Variants in AFAP1L2 observed in about 807,000 individuals in gnomAD.
The protein encoded by AFAP1L2 is actin filament associated protein 1 like 2.
AFAP1L2 carries 46 observed loss-of-function variants against 99.3 expected under a neutral mutation model. The observed-to-expected ratio is 0.46, with a 90% CI of 0.37 to 0.59. The LOEUF is 0.59. AFAP1L2 is among the 20% of genes least tolerant of loss of function. The pLI is 0.00. For synonymous variants in AFAP1L2, 397 were observed against 419.1 expected (o/e 0.95, Z 0.64); for missense variants, 959 against 1,034.9 (o/e 0.93, Z 1.01).
chr10:114,293,474 C>T (rs985799177), downstream of AFAP1L2, among the ~76,000 whole-genome samples: 2 of 152,134 alleles, frequency 1.3e-5, no homozygotes, highest in African/African-American at 4.8e-5. Flanking sequence ...ATGGGTTTCT[C>T]GCCTTTGAAA....
At chr10:114,288,528 AGAGGT>A in the AFAP1L2 span, among the ~76,000 whole-genome samples, 1 of 152,234 alleles carries the variant, frequency 6.6e-6, no homozygotes, top group African/African-American at 2.4e-5. Flanking sequence ...CATACAGTTC[AGAGGT>A]GAGTGGCCCG....
intron 7 of AFAP1L2, among the ~76,000 whole-genome samples, chr10:114,311,563 G>A (rs2043240557): frequency 6.6e-6 from 1 of 152,224 alleles, no homozygotes; most frequent in Non-Finnish European, 1.5e-5. Flanking sequence ...TCTGTAAGCT[G>A]GGTCAATACC....
At chr10:114,395,857 G>A (rs975355089) in intron 1 of AFAP1L2, among the ~76,000 whole-genome samples, 4 of 152,262 alleles carry the variant, frequency 2.6e-5, no homozygotes, top group East Asian at 1.9e-4. Flanking sequence ...CCCCAAACCC[G>A]ACCCTTCTTA....
intron 7 of AFAP1L2, among the ~76,000 whole-genome samples, chr10:114,313,305 C>A (rs2043552665): frequency 1.3e-5 from 2 of 152,132 alleles, no homozygotes; most frequent in Non-Finnish European, 2.9e-5. Context: ...AAGCCCCTCC[C>A]CAAGTGCCTC....
At chr10:114,290,365 C>T (rs766668949), downstream of AFAP1L2, 36 of 1,550,304 alleles carry the variant, frequency 2.3e-5, 1 homozygote, top group South Asian at 2.0e-4. Flanking sequence ...CTGCGAGAAC[C>T]GTGAGTGGAG....
chr10:114,296,069 C>A lies in AFAP1L2; in HGVS notation c.2431-1G>T. On this transcript the variant is annotated splice_acceptor_variant, in intron 18 of 18. Coordinates refer to ENST00000304129, the MANE Select transcript of AFAP1L2 (RefSeq NM_001001936.3). LOFTEE classifies it high-confidence loss of function. Reference sequence around the variant, plus strand: ...AACTTGCTCCTTTCTTCTCCCATTCCTAGGGTACCATTCAAATACCAGCAC... The same window carrying A: ...AACTTGCTCCTTTCTTCTCCCATTCATAGGGTACCATTCAAATACCAGCAC... 6.2e-7 allele frequency: 1 copy of A among 1,614,118 alleles called. No homozygotes were observed. Among genetic ancestry groups the A allele is most frequent in the Non-Finnish European group, 8.5e-7 (1 of 1,179,994 alleles).
chr10:114,369,412 G>C (rs950317443), intron 1 of AFAP1L2, among the ~76,000 whole-genome samples: 1 of 152,054 alleles, frequency 6.6e-6, no homozygotes, highest in Non-Finnish European at 1.5e-5. Flanking sequence ...TGGCTAACAT[G>C]GTGAAACCCC....
chr10:114,323,141 C>T (rs1438018680), intron 5 of AFAP1L2, 30 bp downstream of exon 5: 2 of 1,556,338 alleles, frequency 1.3e-6, no homozygotes, highest in East Asian at 2.4e-5. Context: ...CAGTAAGTCA[C>T]CCTCCCAAGC....
intron 1 of AFAP1L2, among the ~76,000 whole-genome samples, chr10:114,355,872 C>G (rs1040493404): frequency 6.6e-6 from 1 of 152,044 alleles, no homozygotes; most frequent in Non-Finnish European, 1.5e-5. Flanking sequence ...ACCAGGGAGG[C>G]TGAGGTAGGA....
At chr10:114,313,723 G>T in intron 7 of AFAP1L2, 148 bp downstream of exon 7, 2 of 798,496 alleles carry the variant, frequency 2.5e-6, no homozygotes, top group Non-Finnish European at 3.7e-6. Context: ...ATTTGCAGAA[G>T]ACAGATCGTT....
At chr10:114,312,987 A>G (rs1221512299) in intron 7 of AFAP1L2, among the ~76,000 whole-genome samples, 6 of 152,144 alleles carry the variant, frequency 3.9e-5, no homozygotes, top group Non-Finnish European at 8.8e-5. Flanking sequence ...GTCCTGTTTT[A>G]CCACAGCGGT....
chr10:114,282,387 A>G, the AFAP1L2 span: 3 of 740,426 alleles, frequency 4.1e-6, no homozygotes, highest in South Asian at 4.8e-5. Context: ...CAAGAAACAA[A>G]ACCAGGAAGT....
rs1564784746 is a variant in AFAP1L2 at position 114,300,378 on chromosome 10, G to A, written c.1789-16C>T. 2 of 1,614,172 alleles carry A rather than the reference G, an allele frequency of 1.2e-6. No homozygotes were observed. Among genetic ancestry groups the A allele is most frequent in the Non-Finnish European group, 1.7e-6 (2 of 1,180,030 alleles). On this transcript the variant is annotated splice_polypyrimidine_tract_variant and intron_variant, in intron 14 of 18. Transcript: ENST00000304129. The stretch of plus-strand genomic sequence containing the variant: ...TCTCCAGCTGCTTTGGGGGAAAGCA[G>A]ACCTGACTCAGCTGGCTGAAGGGGC...
intron 1 of AFAP1L2, among the ~76,000 whole-genome samples, chr10:114,384,528 G>A (rs1327726336): frequency 6.6e-6 from 1 of 152,216 alleles, no homozygotes; most frequent in Non-Finnish European, 1.5e-5. Context: ...GCTGAACGTT[G>A]CCTGGGGTGA....
chr10:114,323,144 T>C (rs887806814), intron 5 of AFAP1L2, 27 bp downstream of exon 5: 1 of 1,562,714 alleles, frequency 6.4e-7, no homozygotes. Flanking sequence ...TAAGTCACCC[T>C]CCCAAGCCCC....
chr10:114,300,727 C>G, intron 13 of AFAP1L2, 37 bp from the exon 14 acceptor site: 2 of 1,546,990 alleles, frequency 1.3e-6, no homozygotes, highest in Non-Finnish European at 1.7e-6. Context: ...TTCAACATTA[C>G]CTCTACTCCC....
intron 1 of AFAP1L2, among the ~76,000 whole-genome samples, chr10:114,346,763 G>T (rs2049645187): frequency 6.6e-6 from 1 of 152,146 alleles, no homozygotes; most frequent in Non-Finnish European, 1.5e-5. Flanking sequence ...TAAAGTTCAG[G>T]GTTGTCTGCT....
At chr10:114,384,492 C>T (rs530841379) in intron 1 of AFAP1L2, among the ~76,000 whole-genome samples, 1 of 152,360 alleles carries the variant, frequency 6.6e-6, no homozygotes, top group African/African-American at 2.4e-5. Context: ...AAATGAGAGA[C>T]AGCTGTTGGG....
At chr10:114,345,755 C>T (rs2049457667) in intron 1 of AFAP1L2, among the ~76,000 whole-genome samples, 1 of 152,234 alleles carries the variant, frequency 6.6e-6, no homozygotes, top group South Asian at 2.1e-4. Flanking sequence ...TGGCCCCTGC[C>T]CATCAGTCCT....
Sources: allele counts gnomAD v4.1 joint callset (sites outside exome capture counted in the v4.1 genomes callset), GRCh38; gene constraint gnomAD v4.1.1; transcripts MANE v1.5; gene names NCBI Gene and HGNC (gene_info 2026-07-23, HGNC 2026-07-21).